RBFOX1: variants seen among roughly 807,000 people sequenced by gnomAD.
The protein encoded by RBFOX1 is RNA binding protein fox-1 homolog 1.
Under a neutral mutation model 57.7 loss-of-function variants are expected in RBFOX1, and 8 were observed. That is an observed-to-expected ratio of 0.14 (90% CI 0.08 to 0.25). The LOEUF is 0.25. Ranked by LOEUF, RBFOX1 falls within the 10% of genes least tolerant of loss-of-function variation. RBFOX1 has a pLI of 1.00. For missense variants in RBFOX1, 611 were observed against 548.5 expected, an observed-to-expected ratio of 1.11 and a Z score of -1.14; for synonymous variants, 326 against 222.4, an observed-to-expected ratio of 1.47 and a Z score of -4.15.
chr16:6,706,180 C>T (rs922176480), intron 3 of RBFOX1, among the ~76,000 whole-genome samples: 7 of 152,118 alleles, frequency 4.6e-5, no homozygotes, highest in African/African-American at 7.2e-5. Flanking sequence ...TTACTGCTCC[C>T]GTGAATAGGT....
At chr16:5,562,648 T>A (rs2045930192) in intron 2 of RBFOX1, among the ~76,000 whole-genome samples, 1 of 152,102 alleles carries the variant, frequency 6.6e-6, no homozygotes, top group African/African-American at 2.4e-5. Flanking sequence ...TTCCTTAAGG[T>A]TCTGAGTGCA....
chr16:6,642,460 G>C (rs2993), intron 2 of RBFOX1, among the ~76,000 whole-genome samples: 9 of 151,742 alleles, frequency 5.9e-5, no homozygotes, highest in Non-Finnish European at 1.2e-4. Context: ...CAGGGATGCC[G>C]TTCTCGGTAC....
upstream of RBFOX1, among the ~76,000 whole-genome samples, chr16:6,016,392 A>C (rs927840601): frequency 6.6e-6 from 1 of 152,286 alleles, no homozygotes; most frequent in Non-Finnish European, 1.5e-5. Flanking sequence ...AACAACATAT[A>C]CAAAAGATTG....
At chr16:7,647,768 A>AG (rs1348775617) in intron 11 of RBFOX1, among the ~76,000 whole-genome samples, 2 of 152,192 alleles carry the variant, frequency 1.3e-5, no homozygotes, top group Non-Finnish European at 2.9e-5. Flanking sequence ...TGGCTTTATT[A>AG]AATAGTCATT....
chr16:6,931,737 G>C (rs1425289848), intron 3 of RBFOX1, among the ~76,000 whole-genome samples: 1 of 152,160 alleles, frequency 6.6e-6, no homozygotes, highest in Non-Finnish European at 1.5e-5. Context: ...TGCTTGTGCA[G>C]ATCTCTTTGT....
chr16:5,865,306 C>T (rs1378337888), intron 3 of RBFOX1, among the ~76,000 whole-genome samples: 2 of 152,122 alleles, frequency 1.3e-5, no homozygotes, highest in African/African-American at 2.4e-5. Context: ...TGTGGCTGAT[C>T]ACCATGGAAT....
At chr16:6,755,915 A>C (rs917903895) in intron 3 of RBFOX1, among the ~76,000 whole-genome samples, 1 of 152,142 alleles carries the variant, frequency 6.6e-6, no homozygotes, top group Non-Finnish European at 1.5e-5. Flanking sequence ...CACTTTTTCC[A>C]TGTAGAAACA....
intron 1 of RBFOX1, among the ~76,000 whole-genome samples, chr16:6,278,682 C>G (rs1716874642): frequency 6.6e-6 from 1 of 151,774 alleles, no homozygotes; most frequent in Non-Finnish European, 1.5e-5. Context: ...TTCTCATAAT[C>G]CTTTATTTGT....
rs1555488600 is a variant in RBFOX1 at position 6,806,836 on chromosome 16, A to ATTT, written c.-16+152199_-16+152201dup. On this transcript the variant is annotated intron_variant, in intron 3 of 15. Coordinates refer to ENST00000550418, the MANE Select transcript of RBFOX1 (RefSeq NM_018723.4). ...TATATAAATATATATATATATATAT[A>ATTT]TTTTTTTTTTTTTTTGAGAGAAAGT... Among the ~76,000 whole-genome samples, 396 of 91,858 alleles carry ATTT rather than the reference A, an allele frequency of 4.3e-3. 6 individuals carry two copies. Among genetic ancestry groups the ATTT allele is most frequent in the African/African-American group, 0.012 (305 of 24,614 alleles). 60.3% of individuals were successfully genotyped at this position (91,858 alleles called of 152,430 possible). A position where few individuals can be genotyped will look rare whatever the true frequency, so the allele number is the denominator to read the frequency against.
intron 4 of RBFOX1, among the ~76,000 whole-genome samples, chr16:7,223,224 G>A (rs764553832): frequency 6.6e-6 from 1 of 152,224 alleles, no homozygotes; most frequent in African/African-American, 2.4e-5. Context: ...TCAAGTTCAA[G>A]ATCAGAAGCA....
At chr16:6,733,450 A>G (rs897514849) in intron 3 of RBFOX1, among the ~76,000 whole-genome samples, 1 of 152,222 alleles carries the variant, frequency 6.6e-6, no homozygotes, top group Non-Finnish European at 1.5e-5. Context: ...AAATTAAATT[A>G]AAAAAGGTTT....
At chr16:6,140,933 G>C (rs536485990) in intron 1 of RBFOX1, among the ~76,000 whole-genome samples, 1 of 152,174 alleles carries the variant, frequency 6.6e-6, no homozygotes, top group South Asian at 2.1e-4. Flanking sequence ...CACTCCAGTG[G>C]TCAATGTGTA....
At chr16:6,055,887 A>G (rs1308323204) in intron 1 of RBFOX1, among the ~76,000 whole-genome samples, 1 of 152,164 alleles carries the variant, frequency 6.6e-6, no homozygotes, top group Non-Finnish European at 1.5e-5. Flanking sequence ...CACCTTGAGC[A>G]TTTTACTGGA....
chr16:6,727,892 C>G (rs148352845), intron 3 of RBFOX1, among the ~76,000 whole-genome samples: 3 of 152,246 alleles, frequency 2.0e-5, no homozygotes, highest in East Asian at 3.9e-4. Flanking sequence ...TACCTGATTC[C>G]ATTTTGAAAT....
chr16:5,566,904 C>T (rs969934229), intron 2 of RBFOX1, among the ~76,000 whole-genome samples: 4 of 152,108 alleles, frequency 2.6e-5, no homozygotes, highest in African/African-American at 9.7e-5. Flanking sequence ...ACACCACATA[C>T]CAAGTTGTTT....
intron 1 of RBFOX1, among the ~76,000 whole-genome samples, chr16:6,199,380 G>A (rs1307555212): frequency 6.6e-6 from 1 of 152,154 alleles, no homozygotes. Flanking sequence ...AAAGTCAAAT[G>A]AGCTGTGACC....
intron 2 of RBFOX1, among the ~76,000 whole-genome samples, chr16:6,383,910 A>G (rs1391196323): frequency 6.6e-6 from 1 of 152,176 alleles, no homozygotes; most frequent in Non-Finnish European, 1.5e-5. Context: ...TTTTTGAAGC[A>G]TAATGGATCC....
intron 13 of RBFOX1, among the ~76,000 whole-genome samples, chr16:7,673,799 G>A (rs555256527): frequency 7.9e-5 from 12 of 152,274 alleles, no homozygotes; most frequent in South Asian, 4.1e-4. Context: ...GAATGGGAGC[G>A]TAGAACTATT....
At chr16:6,618,222 C>A (rs755528516) in intron 2 of RBFOX1, among the ~76,000 whole-genome samples, 1 of 152,180 alleles carries the variant, frequency 6.6e-6, no homozygotes, top group African/African-American at 2.4e-5. Context: ...CTACCCATCA[C>A]TGATACTTAA....
Sources: gnomAD v4.1 joint callset for allele counts (sites outside exome capture counted in the v4.1 genomes callset) on GRCh38, gnomAD v4.1.1 for gene constraint, MANE v1.5 for transcripts, NCBI Gene and HGNC (gene_info 2026-07-23, HGNC 2026-07-21) for gene names.